Variants in NEK10 observed in about 807,000 individuals in gnomAD.
The protein encoded by NEK10 is serine/threonine-protein kinase Nek10.
In NEK10, 122 loss-of-function variants were observed where a neutral mutation model predicts 159.8. The ratio of observed to expected loss-of-function variants is 0.76; its 90% confidence interval spans 0.66 to 0.89. The LOEUF is 0.89. NEK10 is among the 40% of genes least tolerant of loss of function. The pLI, the probability that NEK10 is intolerant of heterozygous loss-of-function variation, is 0.00. For synonymous variants in NEK10, 466 were observed against 457.1 expected (o/e 1.02, Z -0.25); for missense variants, 1,342 against 1,323.1 (o/e 1.01, Z -0.22).
intron 2 of NEK10, 135 bp downstream of exon 2, chr3:27,352,677 A>T (rs1402667684): frequency 2.5e-6 from 2 of 806,962 alleles, no homozygotes; most frequent in Non-Finnish European, 4.2e-6. Context: ...ACTAGAAATG[A>T]CCAGATGTTT....
At chr3:27,259,050 ACTTGTTGATG>A (rs1184036507) in intron 22 of NEK10, among the ~76,000 whole-genome samples, 1 of 147,826 alleles carries the variant, frequency 6.8e-6, no homozygotes, top group Non-Finnish European at 1.5e-5. Flanking sequence ...TCCTTCACCC[ACTTGTTGATG>A]CAGTTGTTTT....
intron 7 of NEK10, among the ~76,000 whole-genome samples, chr3:27,312,585 C>T (rs898747047): frequency 5.9e-5 from 9 of 151,984 alleles, no homozygotes; most frequent in Admixed American, 4.6e-4. Flanking sequence ...ATTTTACTGA[C>T]GTATATAAGC....
chr3:27,131,556 C>T (rs1023632227), intron 32 of NEK10, among the ~76,000 whole-genome samples: 5 of 152,036 alleles, frequency 3.3e-5, no homozygotes, highest in Non-Finnish European at 7.4e-5. Context: ...AATTTTGGAG[C>T]TTATTGAAGA....
intron 32 of NEK10, among the ~76,000 whole-genome samples, chr3:27,126,425 T>C (rs951273895): frequency 1.4e-4 from 22 of 152,126 alleles, no homozygotes; most frequent in Admixed American, 6.5e-4. Context: ...CAGGATACAA[T>C]TGCATCTGGA....
intron 29 of NEK10, among the ~76,000 whole-genome samples, chr3:27,166,038 T>C (rs1388765470): frequency 6.6e-6 from 1 of 152,234 alleles, no homozygotes; most frequent in Non-Finnish European, 1.5e-5. Flanking sequence ...ATAAAAATAA[T>C]TAAACCTTAT....
At chr3:27,174,068 A>T (rs1423945552) in intron 28 of NEK10, among the ~76,000 whole-genome samples, 1 of 152,206 alleles carries the variant, frequency 6.6e-6, no homozygotes, top group Non-Finnish European at 1.5e-5. Context: ...AAATTAGTCT[A>T]TACCAGGACC....
chr3:27,297,713 C>A (rs927178855), intron 13 of NEK10, among the ~76,000 whole-genome samples: 1 of 152,196 alleles, frequency 6.6e-6, no homozygotes, highest in African/African-American at 2.4e-5. Context: ...AGTTACTAGA[C>A]TAGGCCACAC....
intron 26 of NEK10, among the ~76,000 whole-genome samples, chr3:27,184,094 GA>G (rs1559567702): frequency 1.3e-5 from 2 of 152,112 alleles, no homozygotes; most frequent in African/African-American, 4.8e-5. Context: ...TTATCTAAGA[GA>G]AAAAAGTTAT....
chr3:27,128,968 TA>T (rs1183521727), intron 32 of NEK10, among the ~76,000 whole-genome samples: 3 of 152,182 alleles, frequency 2.0e-5, no homozygotes. Context: ...GAAATGTGTA[TA>T]TTTTTTAATA....
At chr3:27,281,837 C>A (rs867128814) in intron 22 of NEK10, among the ~76,000 whole-genome samples, 5 of 151,984 alleles carry the variant, frequency 3.3e-5, no homozygotes, top group Admixed American at 1.3e-4. Flanking sequence ...AATGAGGAGT[C>A]CAGGAAAACA....
chr3:27,184,588 A>T (rs1311502249), intron 26 of NEK10, among the ~76,000 whole-genome samples: 1 of 152,192 alleles, frequency 6.6e-6, no homozygotes, highest in Non-Finnish European at 1.5e-5. Context: ...TGTAGTGTGG[A>T]TGTGAGAATT....
chr3:27,193,562 T>C lies in NEK10; in HGVS notation c.2292-1320A>G, dbSNP rs574217914. Among the ~76,000 whole-genome samples the C allele has an allele frequency of 4.0e-5, 6 of 149,828 alleles. No individual in the cohort carries two copies. In the South Asian group the frequency reaches 1.1e-3, roughly 27 times the overall value. Reference sequence around the variant, plus strand: ...CCCCAAATAGCACCTGTCTCTCCTATACCCCCATTTCTTTGCTTATTTTAT... The same window carrying C: ...CCCCAAATAGCACCTGTCTCTCCTACACCCCCATTTCTTTGCTTATTTTAT... On this transcript the variant is annotated intron_variant, in intron 25 of 35. Coordinates refer to ENST00000691995, the MANE Select transcript of NEK10 (RefSeq NM_001394966.1).
At chr3:27,270,216 T>C (rs143313948) in intron 22 of NEK10, among the ~76,000 whole-genome samples, 5 of 152,242 alleles carry the variant, frequency 3.3e-5, no homozygotes, top group African/African-American at 1.2e-4. Context: ...CCAGCAACCA[T>C]GTAGAATAGT....
At chr3:27,255,454 G>A (rs529122163) in intron 23 of NEK10, 22 of 199,642 alleles carry the variant, frequency 1.1e-4, no homozygotes, top group Admixed American at 3.5e-4. Context: ...AAGAAGAGTC[G>A]TGTTTAATTC....
At chr3:27,333,699 T>C (rs1494422) in intron 5 of NEK10, among the ~76,000 whole-genome samples, 121,551 of 151,872 alleles carry the variant, frequency 0.8, 48,689 homozygotes, top group East Asian at 0.88. Flanking sequence ...GTAGGAGGCA[T>C]GATCAAGATG....
At chr3:27,365,077 G>A (rs563934962) in intron 1 of NEK10, among the ~76,000 whole-genome samples, 1 of 152,270 alleles carries the variant, frequency 6.6e-6, no homozygotes, top group Non-Finnish European at 1.5e-5. Context: ...TCATTTATTG[G>A]TGGCATTTAT....
At position 27,284,598 on chromosome 3, in the gene NEK10, T is replaced by G. The variant is rs376980124; in HGVS notation, c.2014+4A>C. On this transcript the variant is annotated splice_donor_region_variant and intron_variant, in intron 22 of 35. Coordinates refer to ENST00000691995, the MANE Select transcript of NEK10 (RefSeq NM_001394966.1). ...GTTAAAAGTTTAAAAATCTTTATAC[T>G]TACTAACGGTTACTTTGTCCTTATC... The G allele has an allele frequency of 2.0e-4, 298 of 1,488,084 alleles. No individual in the cohort carries two copies. Among genetic ancestry groups the G allele is most frequent in the Non-Finnish European group, 2.6e-4 (275 of 1,065,620 alleles). The allele number at this position is 1,488,084 out of a possible 1,614,324, so 92.2% of individuals were successfully genotyped here.
chr3:27,264,989 A>C (rs1212879615), intron 22 of NEK10, among the ~76,000 whole-genome samples: 1 of 152,172 alleles, frequency 6.6e-6, no homozygotes, highest in African/African-American at 2.4e-5. Context: ...ACATTAAAGA[A>C]GGAAAACCAT....
intron 5 of NEK10, among the ~76,000 whole-genome samples, chr3:27,330,696 G>C (rs951527681): frequency 5.3e-5 from 8 of 152,050 alleles, no homozygotes; most frequent in East Asian, 1.9e-4. Context: ...TCAATGGCTC[G>C]AGCAGGGGAT....
Sources: allele counts gnomAD v4.1 joint callset (sites outside exome capture counted in the v4.1 genomes callset), GRCh38; gene constraint gnomAD v4.1.1; transcripts MANE v1.5; gene names NCBI Gene and HGNC (gene_info 2026-07-23, HGNC 2026-07-21).